SOX6: variants seen among roughly 807,000 people sequenced by gnomAD.
SOX6 encodes the protein transcription factor SOX-6.
In SOX6, 11 loss-of-function variants were observed where a neutral mutation model predicts 97.8. That is an observed-to-expected ratio of 0.11 (90% CI 0.07 to 0.19). The LOEUF (loss-of-function observed/expected upper bound fraction) is 0.19, where lower values mean the gene tolerates loss of function less well. SOX6 is among the 10% of genes least tolerant of loss of function. The probability of loss-of-function intolerance (pLI) is 1.00; values close to 1 mark genes in which losing one functional copy is unlikely to be tolerated. For synonymous variants in SOX6, 360 were observed against 371.4 expected (o/e 0.97, Z 0.35); for missense variants, 810 against 1,039.5 (o/e 0.78, Z 3.04).
intron 12 of SOX6, among the ~76,000 whole-genome samples, chr11:16,029,779 A>T (rs1855314552): frequency 6.6e-6 from 1 of 152,250 alleles, no homozygotes; most frequent in African/African-American, 2.4e-5. Context: ...AAATCTCTGT[A>T]AAATTTTTAA....
chr11:16,501,544 T>A (rs1169701260), intron 4 of SOX6, among the ~76,000 whole-genome samples: 2 of 151,688 alleles, frequency 1.3e-5, no homozygotes, highest in East Asian at 3.9e-4. Flanking sequence ...TGGGAGAAAA[T>A]TTTTGCAATC....
chr11:16,010,915 C>T (rs992011360), intron 13 of SOX6, among the ~76,000 whole-genome samples: 7 of 151,928 alleles, frequency 4.6e-5, no homozygotes, highest in African/African-American at 1.7e-4. Flanking sequence ...AGTGTTTTAT[C>T]AAGATTCTAA....
chr11:16,132,493 A>AGAAAGC (rs1554934055), intron 6 of SOX6, among the ~76,000 whole-genome samples: 2 of 107,512 alleles, frequency 1.9e-5, no homozygotes, highest in African/African-American at 6.8e-5. Context: ...AGAAAGAAAG[A>AGAAAGC]AAGAAAGAAA....
chr11:16,356,176 C>T lies in SOX6; in HGVS notation c.-87G>A, dbSNP rs546010935. Among the ~76,000 whole-genome samples, 3 of 151,296 alleles carry T rather than the reference C, an allele frequency of 2.0e-5. No individual in the cohort carries two copies. The highest frequency in any genetic ancestry group is 2.9e-5 in the Non-Finnish European group (2 of 67,826). On this transcript the variant is annotated 5_prime_UTR_variant, in exon 1 of 16. Transcript: ENST00000683767. ...ACTTCAGAACTTGAGGGCATAACAC[C>T]TTTGACACCTTCCCAAATCACAAGA...
At chr11:16,479,387 G>A (rs896629626), upstream of SOX6, among the ~76,000 whole-genome samples, 5 of 151,954 alleles carry the variant, frequency 3.3e-5, no homozygotes, top group Non-Finnish European at 7.4e-5. Flanking sequence ...AAAATCAGCC[G>A]GGTGTGGTGG....
At chr11:16,352,510 A>T (rs916441941) in intron 1 of SOX6, among the ~76,000 whole-genome samples, 1 of 152,138 alleles carries the variant, frequency 6.6e-6, no homozygotes, top group African/African-American at 2.4e-5. Context: ...AAAACAATAA[A>T]AATGAAAACT....
chr11:16,386,257 A>C (rs1052937778), intron 1 of SOX6, among the ~76,000 whole-genome samples: 5 of 151,922 alleles, frequency 3.3e-5, no homozygotes, highest in African/African-American at 1.2e-4. Context: ...TTTTACCTTA[A>C]TGCAGGAAAC....
At position 16,465,523 on chromosome 11, in the gene SOX6, T is replaced by A. The variant is rs527553054; in HGVS notation, c.-5+10792A>T. On this transcript the variant is annotated intron_variant, in intron 1 of 15. Coordinates refer to the SOX6 transcript ENST00000396356. ...AACATCAGAATACTAGTGGCTGTAA[T>A]TAAAACTAAGTGATAGGCTTGTCAC... Among the ~76,000 whole-genome samples the A allele has an allele frequency of 3.6e-4, 55 of 152,318 alleles. 2 individuals carry two copies. The South Asian group carries it at 0.01, about 29-fold the overall frequency.
intron 6 of SOX6, among the ~76,000 whole-genome samples, chr11:16,182,714 A>C (rs1851375961): frequency 6.6e-6 from 1 of 151,898 alleles, no homozygotes; most frequent in South Asian, 2.1e-4. Context: ...AAGATCTCCT[A>C]CTGAAAATAG....
chr11:16,324,453 A>T (rs1286215350), intron 2 of SOX6, among the ~76,000 whole-genome samples: 2 of 152,184 alleles, frequency 1.3e-5, no homozygotes, highest in African/African-American at 4.8e-5. Flanking sequence ...GATTTTATCT[A>T]TATGATGAAA....
At chr11:16,502,644 T>C (rs374798079) in intron 4 of SOX6, among the ~76,000 whole-genome samples, 1 of 152,112 alleles carries the variant, frequency 6.6e-6, no homozygotes, top group African/African-American at 2.4e-5. Context: ...GGCAGGTCTT[T>C]TGAAATAACC....
chr11:16,071,325 A>T (rs1262819907), intron 9 of SOX6, among the ~76,000 whole-genome samples: 3 of 152,164 alleles, frequency 2.0e-5, no homozygotes, highest in African/African-American at 7.2e-5. Context: ...GGCAGGCAAC[A>T]CCTGCTAGAG....
chr11:16,404,348 T>A (rs1858635583), intron 1 of SOX6, among the ~76,000 whole-genome samples: 1 of 151,864 alleles, frequency 6.6e-6, no homozygotes, highest in Admixed American at 6.6e-5. Context: ...TAATGGCCGG[T>A]ATATTAAGAA....
rs893366785 is a variant in SOX6, at chr11:16,504,682, G to C, written n.610-28294C>G. Among the ~76,000 whole-genome samples the C allele has an allele frequency of 8.6e-5, 13 of 151,062 alleles. 1 individual carries two copies. The highest frequency in any genetic ancestry group is 8.6e-4 in the Admixed American group (13 of 15,144). ...TTTGGCTCTGCGTCCCCTGCCCCCC[G>C]CCCAAAATCTCATGTTGAATCCTAA... On this transcript the variant is annotated intron_variant and non_coding_transcript_variant, in intron 4 of 5. Coordinates refer to the SOX6 transcript ENST00000524520.
intron 1 of SOX6, among the ~76,000 whole-genome samples, chr11:16,343,239 T>C (rs771995616): frequency 3.3e-5 from 5 of 151,948 alleles, no homozygotes; most frequent in Non-Finnish European, 5.9e-5. Context: ...CTATTTCAGA[T>C]ACTGACAATA....
chr11:16,101,828 A>G (rs1848953828), intron 7 of SOX6, among the ~76,000 whole-genome samples: 1 of 151,850 alleles, frequency 6.6e-6, no homozygotes, highest in South Asian at 2.1e-4. Flanking sequence ...AAATCCCAAC[A>G]TCCCTTTGTG....
intron 1 of SOX6, among the ~76,000 whole-genome samples, chr11:16,428,178 T>C (rs1859191767): frequency 6.6e-6 from 1 of 152,064 alleles, no homozygotes; most frequent in Non-Finnish European, 1.5e-5. Context: ...GATGGGGTTG[T>C]TTTTTTCTTG....
At chr11:16,718,978 T>TAAAA (rs558276025) in intron 2 of SOX6, among the ~76,000 whole-genome samples, 3 of 86,820 alleles carry the variant, frequency 3.5e-5, no homozygotes, top group Admixed American at 1.2e-4. Context: ...TTTTTAAAAT[T>TAAAA]AAAAAAAAAA....
intron 4 of SOX6, among the ~76,000 whole-genome samples, chr11:16,234,017 A>G (rs1035603194): frequency 2.4e-4 from 37 of 151,502 alleles, no homozygotes; most frequent in African/African-American, 5.3e-4. Context: ...AAAAAAAAAA[A>G]AAAAGAAAAG....
Sources: allele counts gnomAD v4.1 joint callset (sites outside exome capture counted in the v4.1 genomes callset), GRCh38; gene constraint gnomAD v4.1.1; transcripts MANE v1.5; gene names NCBI Gene and HGNC (gene_info 2026-07-23, HGNC 2026-07-21).